THNSL1: variants seen among roughly 807,000 people sequenced by gnomAD.
THNSL1 encodes threonine synthase like 1.
A neutral mutation model predicts 50.4 loss-of-function variants in THNSL1; 48 were observed. The observed-to-expected ratio is 0.95, with a 90% confidence interval of 0.76 to 1.21. The LOEUF is 1.21. Among genes scored for constraint, THNSL1 ranks in the 50% most tolerant of loss-of-function variants. The pLI is 0.00. For missense variants in THNSL1, 896 were observed against 871.7 expected (o/e 1.03, Z -0.35); for synonymous variants, 309 against 306.1 (o/e 1.01, Z -0.10).
intron 1 of THNSL1, among the ~76,000 whole-genome samples, chr10:25,017,527 T>G (rs931709911): frequency 3.3e-5 from 5 of 151,764 alleles, no homozygotes; most frequent in Admixed American, 2.6e-4. Flanking sequence ...CTGGTGAACC[T>G]TTTAGTTCCT....
At chr10:24,980,941 G>A in the THNSL1 span, among the ~76,000 whole-genome samples, 7 of 152,090 alleles carry the variant, frequency 4.6e-5, no homozygotes, top group South Asian at 4.2e-4. Context: ...GGCTGGTCTC[G>A]AACTCCTGAC....
At chr10:24,998,243 C>T in the THNSL1 span, among the ~76,000 whole-genome samples, 2 of 152,058 alleles carry the variant, frequency 1.3e-5, no homozygotes, top group African/African-American at 4.8e-5. Context: ...ACATAAAAAG[C>T]CAACATTTTG....
the THNSL1 span, among the ~76,000 whole-genome samples, chr10:25,003,955 G>T: frequency 6.6e-6 from 1 of 152,182 alleles, no homozygotes; most frequent in East Asian, 1.9e-4. Flanking sequence ...GTGTTAGTTT[G>T]CTAAGGATAA....
At chr10:24,976,961 T>C in the THNSL1 span, among the ~76,000 whole-genome samples, 1 of 152,200 alleles carries the variant, frequency 6.6e-6, no homozygotes, top group Non-Finnish European at 1.5e-5. Flanking sequence ...TTCAACACAG[T>C]GAGGCCAAGG....
chr10:24,992,809 C>G, the THNSL1 span, among the ~76,000 whole-genome samples: 2 of 152,210 alleles, frequency 1.3e-5, no homozygotes, highest in African/African-American at 4.8e-5. Flanking sequence ...CTGGAAGCTG[C>G]AGAGGACAAT....
At chr10:25,010,052 G>C in the THNSL1 span, among the ~76,000 whole-genome samples, 1,049 of 152,318 alleles carry the variant, frequency 6.9e-3, 9 homozygotes, top group Non-Finnish European at 0.011. Context: ...CTGGGTAACA[G>C]GCAGAGGTTG....
At chr10:24,999,155 G>T in the THNSL1 span, among the ~76,000 whole-genome samples, 2 of 152,176 alleles carry the variant, frequency 1.3e-5, no homozygotes, top group Admixed American at 6.6e-5. Flanking sequence ...GACTAAGATG[G>T]TGATGCATGT....
chr10:24,964,194 GT>G, the THNSL1 span, among the ~76,000 whole-genome samples: 3 of 152,218 alleles, frequency 2.0e-5, no homozygotes, highest in Admixed American at 2.0e-4. Context: ...GGGGTAGAGG[GT>G]GATAGCCCAA....
rs1850591177 is a variant in THNSL1 at position 25,016,742 on chromosome 10, T to TC, written c.-216+55dup. On this transcript the variant is annotated intron_variant, in intron 1 of 2. Transcript: ENST00000376356. ...GGCTTTAGCGGCTCGTGGACACTGC[T>TC]CCCCCATTTCCTTTCATTTCCCCCG... The TC allele has an allele frequency of 2.0e-5, 3 of 152,406 alleles. No individual in the cohort carries two copies. The East Asian group carries it at 5.8e-4, about 29-fold the overall frequency. 9.4% of individuals were successfully genotyped at this position (152,406 alleles called of 1,614,324 possible).
chr10:24,995,630 TA>T, the THNSL1 span: 5 of 1,595,438 alleles, frequency 3.1e-6, no homozygotes, highest in Non-Finnish European at 4.3e-6. Flanking sequence ...CTCTTATTAA[TA>T]TACCACAAGG....
Position 25,024,402 on chromosome 10 carries a change from AAAT to A in THNSL1, c.1182_1184del (p.Asn394del). On this transcript the variant is annotated inframe_deletion, in exon 3 of 3. Coordinates refer to ENST00000376356, the MANE Select transcript of THNSL1 (RefSeq NM_024838.5). ...CAGTCTTAAATGGTTTTAGTCGTCT[AAAT>A]AAGAATGATAAGCAAAGGATAGCTG... The A allele has an allele frequency of 3.7e-6, 6 of 1,613,920 alleles. No individual in the cohort carries two copies. Among genetic ancestry groups the A allele is most frequent in the Non-Finnish European group, 5.1e-6 (6 of 1,180,024 alleles).
At chr10:24,974,871 A>G in the THNSL1 span, among the ~76,000 whole-genome samples, 22 of 152,228 alleles carry the variant, frequency 1.4e-4, no homozygotes, top group Admixed American at 1.4e-3. Flanking sequence ...ATTTAATGGT[A>G]CAGTGAGGTG....
upstream of THNSL1, chr10:25,016,151 T>A (rs576215343): frequency 2.0e-5 from 24 of 1,218,328 alleles, no homozygotes; most frequent in Admixed American, 2.6e-4. Flanking sequence ...CTAAGCGTCG[T>A]TGACTGTGCG....
At chr10:24,988,386 G>A in the THNSL1 span, among the ~76,000 whole-genome samples, 69,603 of 143,238 alleles carry the variant, frequency 0.49, 17,725 homozygotes, top group African/African-American at 0.66. Context: ...GTATATATGT[G>A]TATATATTTA....
chr10:24,972,556 C>T, the THNSL1 span, among the ~76,000 whole-genome samples: 1 of 151,528 alleles, frequency 6.6e-6, no homozygotes, highest in East Asian at 1.9e-4. Context: ...TACTATTTGT[C>T]CTGGGAAAGG....
At chr10:25,014,328 T>C (rs1365568195), upstream of THNSL1, among the ~76,000 whole-genome samples, 1 of 152,160 alleles carries the variant, frequency 6.6e-6, no homozygotes, top group Admixed American at 6.5e-5. Context: ...TCTTTTGGCA[T>C]CACATTTGGG....
chr10:24,962,214 A>C, the THNSL1 span, among the ~76,000 whole-genome samples: 1 of 152,238 alleles, frequency 6.6e-6, no homozygotes, highest in Non-Finnish European at 1.5e-5. Flanking sequence ...CTCGTTCTAT[A>C]CATGTTATAT....
At chr10:24,955,876 G>A in the THNSL1 span, among the ~76,000 whole-genome samples, 1 of 152,096 alleles carries the variant, frequency 6.6e-6, no homozygotes, top group Admixed American at 6.6e-5. Flanking sequence ...GAGGCCAGAA[G>A]TTTGAGGCTG....
At chr10:24,983,705 A>G in the THNSL1 span, 86 of 152,336 alleles carry the variant, frequency 5.6e-4, no homozygotes, top group African/African-American at 2.0e-3. Flanking sequence ...AAAAAGCCTG[A>G]AAGACTCCCA....
Sources: gnomAD v4.1 joint callset for allele counts (sites outside exome capture counted in the v4.1 genomes callset) on GRCh38, gnomAD v4.1.1 for gene constraint, MANE v1.5 for transcripts, NCBI Gene and HGNC (gene_info 2026-07-23, HGNC 2026-07-21) for gene names.